Variants in TIAM1 observed in about 807,000 individuals in gnomAD.
TIAM1 encodes TIAM Rac1 associated GEF 1.
Under a neutral mutation model 163.5 loss-of-function variants are expected in TIAM1, and 65 were observed. That is an observed-to-expected ratio of 0.40 (90% CI 0.33 to 0.49). TIAM1 has a LOEUF of 0.49. Ranked by LOEUF, TIAM1 falls within the 20% of genes least tolerant of loss-of-function variation. The probability of loss-of-function intolerance (pLI) is 0.77; values close to 1 mark genes in which losing one functional copy is unlikely to be tolerated. For missense variants in TIAM1, 1,789 were observed against 2,044.7 expected (o/e 0.87, Z 2.41); for synonymous variants, 833 against 810.1 (o/e 1.03, Z -0.48).
At chr21:31,496,159 A>T (rs1267427725) in intron 1 of TIAM1, among the ~76,000 whole-genome samples, 1 of 152,100 alleles carries the variant, frequency 6.6e-6, no homozygotes, top group Non-Finnish European at 1.5e-5. Flanking sequence ...TAAAATGTTT[A>T]AAAGTAGAAA....
intron 2 of TIAM1, among the ~76,000 whole-genome samples, chr21:31,279,148 A>C (rs920791158): frequency 8.5e-5 from 13 of 152,100 alleles, no homozygotes; most frequent in African/African-American, 2.7e-4. Flanking sequence ...AATAAACAAA[A>C]AAAAACTATA....
At chr21:31,130,458 C>A in intron 24 of TIAM1, 143 bp from the exon 25 acceptor site, 1 of 648,338 alleles carries the variant, frequency 1.5e-6, no homozygotes, top group Non-Finnish European at 2.7e-6. Flanking sequence ...AGCTCCTGTC[C>A]ATCCAGCAGG....
chr21:31,412,960 C>T (rs900263982), intron 2 of TIAM1, among the ~76,000 whole-genome samples: 1 of 152,116 alleles, frequency 6.6e-6, no homozygotes, highest in African/African-American at 2.4e-5. Context: ...TGGCCTGGTT[C>T]CTAACAGACC....
intron 22 of TIAM1, among the ~76,000 whole-genome samples, chr21:31,136,490 G>GAAA (rs11381986): frequency 2.7e-5 from 4 of 150,554 alleles, no homozygotes; most frequent in African/African-American, 4.9e-5. Flanking sequence ...AAATTTTAAC[G>GAAA]AAAAAAAAAA....
intron 1 of TIAM1, among the ~76,000 whole-genome samples, chr21:31,506,068 A>C (rs1412657933): frequency 6.6e-6 from 1 of 150,860 alleles, no homozygotes; most frequent in Non-Finnish European, 1.5e-5. Flanking sequence ...CAACTTGCTC[A>C]AGGTCCCACA....
At position 31,134,760 on chromosome 21, in the gene TIAM1, C is replaced by G. The variant is rs148734387; in HGVS notation, c.3883+1173G>C. Among the ~76,000 whole-genome samples, 550 of 152,328 alleles carry G rather than the reference C, an allele frequency of 3.6e-3. 5 individuals carry two copies. Among genetic ancestry groups the G allele is most frequent in the African/African-American group, 0.013 (529 of 41,574 alleles). ...TCCTGACCTCAAGTGATCCGTCCACCTTGGCCTCCCAAAGTGCTGGGATTA... is the reference window on the plus strand; with the variant it reads ...TCCTGACCTCAAGTGATCCGTCCACGTTGGCCTCCCAAAGTGCTGGGATTA... On this transcript the variant is annotated intron_variant, in intron 23 of 27. Coordinates refer to ENST00000541036, the MANE Select transcript of TIAM1 (RefSeq NM_001353694.2).
At chr21:31,400,553 C>T (rs575247243) in intron 2 of TIAM1, among the ~76,000 whole-genome samples, 62 of 152,260 alleles carry the variant, frequency 4.1e-4, no homozygotes, top group African/African-American at 1.3e-3. Flanking sequence ...TAGTAAAGTG[C>T]CTTTGAATGG....
rs138716018 is a variant in TIAM1, at chr21:31,503,079, G to A, written c.-421-39044C>T. Among the ~76,000 whole-genome samples the A allele has an allele frequency of 4.0e-3, 614 of 152,262 alleles. 2 individuals carry two copies. Among genetic ancestry groups the A allele is most frequent in the African/African-American group, 0.014 (583 of 41,554 alleles). ...CCAAGGTCAAAATTGTCCATAATCC[G>A]CTATTGTGTCTCCCTTAGGAAAATG... On this transcript the variant is annotated intron_variant, in intron 1 of 28. Transcript: ENST00000286827.
chr21:31,421,417 C>A (rs532494569), intron 2 of TIAM1, among the ~76,000 whole-genome samples: 1 of 152,186 alleles, frequency 6.6e-6, no homozygotes, highest in African/African-American at 2.4e-5. Flanking sequence ...CTGGGCCACA[C>A]AGCAGGAGGT....
intron 13 of TIAM1, among the ~76,000 whole-genome samples, chr21:31,194,705 C>G (rs1176087954): frequency 6.6e-6 from 1 of 152,166 alleles, no homozygotes; most frequent in Non-Finnish European, 1.5e-5. Flanking sequence ...TCCGGTCTAC[C>G]TGAGTCAACA....
chr21:31,509,785 C>T (rs867827840), intron 1 of TIAM1, among the ~76,000 whole-genome samples: 1 of 152,168 alleles, frequency 6.6e-6, no homozygotes, highest in East Asian at 1.9e-4. Context: ...CTCTCAGGGG[C>T]GCCCCCTACC....
chr21:31,532,760 A>G (rs1427257567), intron 1 of TIAM1, among the ~76,000 whole-genome samples: 1 of 152,140 alleles, frequency 6.6e-6, no homozygotes, highest in Non-Finnish European at 1.5e-5. Context: ...CATCCTATCC[A>G]GCATGGGCAA....
At chr21:31,516,161 C>T (rs1218649019) in intron 1 of TIAM1, among the ~76,000 whole-genome samples, 2 of 151,230 alleles carry the variant, frequency 1.3e-5, no homozygotes, top group Admixed American at 1.3e-4. Flanking sequence ...CCTGTAATCC[C>T]AGCACTCTGA....
intron 2 of TIAM1, among the ~76,000 whole-genome samples, chr21:31,447,754 C>G (rs1417060297): frequency 1.3e-5 from 2 of 152,114 alleles, no homozygotes; most frequent in Non-Finnish European, 2.9e-5. Context: ...AGTCAGGGTT[C>G]TCATGATAAA....
intron 2 of TIAM1, among the ~76,000 whole-genome samples, chr21:31,416,751 A>T (rs781722616): frequency 1.3e-5 from 2 of 152,246 alleles, no homozygotes; most frequent in Non-Finnish European, 2.9e-5. Flanking sequence ...TATCCAGATA[A>T]AAGTGATCAC....
rs546109204 is a variant in TIAM1 at position 31,262,421 on chromosome 21, C to G, written c.963+3589G>C. 3.9e-5 allele frequency among the ~76,000 whole-genome samples: 6 copies of G among 152,328 alleles called. No homozygotes were observed. In the South Asian group the frequency reaches 1.2e-3, roughly 32 times the overall value. ...AATCTAAGGAGTAACCTATTAAGTA[C>G]TTTTACAGAAACCAACAGAAATAAA... is the stretch of plus-strand genomic sequence containing the variant. On this transcript the variant is annotated intron_variant, in intron 4 of 27. Coordinates refer to ENST00000541036, the MANE Select transcript of TIAM1 (RefSeq NM_001353694.2).
chr21:31,248,284 T>C (rs888100871), intron 5 of TIAM1, among the ~76,000 whole-genome samples: 1 of 152,228 alleles, frequency 6.6e-6, no homozygotes, highest in African/African-American at 2.4e-5. Flanking sequence ...CACACGCACC[T>C]AGTGAATGTT....
At chr21:31,337,338 AGT>A (rs1252351140) in intron 2 of TIAM1, among the ~76,000 whole-genome samples, 2 of 151,886 alleles carry the variant, frequency 1.3e-5, no homozygotes. Flanking sequence ...ACTACCAGGT[AGT>A]TGGCCAAAGG....
intron 2 of TIAM1, among the ~76,000 whole-genome samples, chr21:31,397,215 C>T (rs1273222941): frequency 6.6e-6 from 1 of 152,068 alleles, no homozygotes; most frequent in Non-Finnish European, 1.5e-5. Flanking sequence ...CTATGTTTGG[C>T]TCTGAAGAGA....
Sources: gnomAD v4.1 joint callset for allele counts (sites outside exome capture counted in the v4.1 genomes callset) on GRCh38, gnomAD v4.1.1 for gene constraint, MANE v1.5 for transcripts, NCBI Gene and HGNC (gene_info 2026-07-23, HGNC 2026-07-21) for gene names.